LMNTD1: variants seen among roughly 807,000 people sequenced by gnomAD.
LMNTD1 encodes the protein lamin tail domain containing 1.
In LMNTD1, 35 loss-of-function variants were observed where a neutral mutation model predicts 50.9. That is an observed-to-expected ratio of 0.69 (90% CI 0.53 to 0.91). The LOEUF (loss-of-function observed/expected upper bound fraction) is 0.91. LMNTD1 is among the 40% of genes least tolerant of loss of function. The pLI is 0.00. For synonymous variants in LMNTD1, 153 were observed against 161.9 expected (o/e 0.94, Z 0.42); for missense variants, 470 against 475.5 (o/e 0.99, Z 0.11).
intron 1 of LMNTD1, among the ~76,000 whole-genome samples, chr12:25,639,625 G>T (rs1419962543): frequency 6.6e-6 from 1 of 152,034 alleles, no homozygotes; most frequent in Non-Finnish European, 1.5e-5. Flanking sequence ...CACTAGCCTG[G>T]GTATAATTTT....
chr12:25,484,839 AT>A (rs1371293129), intron 9 of LMNTD1, among the ~76,000 whole-genome samples: 4 of 143,056 alleles, frequency 2.8e-5, no homozygotes, highest in African/African-American at 1.0e-4. Flanking sequence ...TGAACTCATC[AT>A]TTTTTATGGC....
chr12:25,536,214 A>G (rs1942570702), intron 4 of LMNTD1, among the ~76,000 whole-genome samples: 1 of 152,224 alleles, frequency 6.6e-6, no homozygotes, highest in African/African-American at 2.4e-5. Flanking sequence ...AGACAACACT[A>G]TCAACCAACA....
intron 1 of LMNTD1, among the ~76,000 whole-genome samples, chr12:25,575,693 T>TTC (rs1289253419): frequency 6.6e-6 from 1 of 151,838 alleles, no homozygotes; most frequent in Admixed American, 6.6e-5. Context: ...TATTTTCTTT[T>TTC]TTTTTATAAT....
At position 25,549,080 on chromosome 12, in the gene LMNTD1, TAA is replaced by T. The variant is rs1244404906; in HGVS notation, c.310+244_310+245del. On this transcript the variant is annotated intron_variant, in intron 3 of 9. Transcript: ENST00000458174. ...GCGGTCAACTCATGAACCATCATGA[TAA>T]CTCAAGATACCTTAATTATAAGGAT... is the stretch of plus-strand genomic sequence containing the variant. 6.2e-3 allele frequency among the ~76,000 whole-genome samples: 949 copies of T among 152,124 alleles called. 2 individuals carry two copies. The highest frequency in any genetic ancestry group is 7.7e-3 in the South Asian group (37 of 4,820).
chr12:25,532,920 G>T (rs1208719959), intron 4 of LMNTD1, among the ~76,000 whole-genome samples: 1 of 152,088 alleles, frequency 6.6e-6, no homozygotes, highest in Non-Finnish European at 1.5e-5. Flanking sequence ...CTGGGAAGAT[G>T]AGCACTAATT....
intron 9 of LMNTD1, among the ~76,000 whole-genome samples, chr12:25,486,945 A>C (rs1228919248): frequency 6.6e-6 from 1 of 152,128 alleles, no homozygotes; most frequent in Non-Finnish European, 1.5e-5. Context: ...ATGTTCATCA[A>C]GGATATTGGT....
At chr12:25,486,345 C>T (rs1404450813) in intron 9 of LMNTD1, among the ~76,000 whole-genome samples, 4 of 151,982 alleles carry the variant, frequency 2.6e-5, no homozygotes, top group Admixed American at 1.3e-4. Context: ...GTGATTTTTG[C>T]ACATTGATTT....
At position 25,594,031 on chromosome 12, in the gene LMNTD1, T is replaced by G. The variant is rs911973620; in HGVS notation, c.59-47477A>C. On this transcript the variant is annotated intron_variant, in intron 1 of 7. Transcript: ENST00000445693. ...TCTAACAAAGACAAAGAAAAAAGAA[T>G]AAGAAAATATGAACAAAGCCTCCAA... is the stretch of plus-strand genomic sequence containing the variant. Among the ~76,000 whole-genome samples the G allele has an allele frequency of 2.0e-5, 3 of 151,972 alleles. No homozygotes were observed. In the South Asian group the frequency reaches 6.2e-4, roughly 32 times the overall value.
At chr12:25,513,186 C>T (rs1825732654) in intron 8 of LMNTD1, among the ~76,000 whole-genome samples, 1 of 152,212 alleles carries the variant, frequency 6.6e-6, no homozygotes, top group East Asian at 1.9e-4. Flanking sequence ...ACATCTTCCA[C>T]TAAGATGCAT....
intron 1 of LMNTD1, among the ~76,000 whole-genome samples, chr12:25,615,118 A>T (rs1285180445): frequency 2.6e-5 from 4 of 152,218 alleles, no homozygotes; most frequent in African/African-American, 9.6e-5. Flanking sequence ...ATAGTGGCCA[A>T]ACAAAATGAG....
At chr12:25,598,414 T>G (rs1945886734) in intron 1 of LMNTD1, among the ~76,000 whole-genome samples, 1 of 151,878 alleles carries the variant, frequency 6.6e-6, no homozygotes, top group Non-Finnish European at 1.5e-5. Flanking sequence ...AAGAAAAATT[T>G]CAAATAACTA....
chr12:25,519,400 C>A (rs1025678146), intron 7 of LMNTD1, among the ~76,000 whole-genome samples: 12 of 150,266 alleles, frequency 8.0e-5, no homozygotes, highest in African/African-American at 2.7e-4. Context: ...TCCTGGCTAA[C>A]ACGGTGAAAC....
chr12:25,537,954 A>C (rs1159875021), intron 4 of LMNTD1, among the ~76,000 whole-genome samples: 8 of 149,774 alleles, frequency 5.3e-5, no homozygotes, highest in Non-Finnish European at 1.2e-4. Context: ...GATGCGATCA[A>C]CTGGAAGAAA....
rs892813304 is a variant in LMNTD1, at chr12:25,540,781, A to C, written c.491+5593T>G. Among the ~76,000 whole-genome samples the C allele has an allele frequency of 5.3e-3, 715 of 135,362 alleles. 11 individuals carry two copies. The highest frequency in any genetic ancestry group is 0.018 in the African/African-American group (668 of 37,168). 88.8% of individuals were successfully genotyped at this position (135,362 alleles called of 152,430 possible). Reference sequence around the variant, plus strand: ...TATTCAATTAGGAAAAGAGGAAGTCAAACTGTCCCTGTTTGCAGATGACAT... The same window carrying C: ...TATTCAATTAGGAAAAGAGGAAGTCCAACTGTCCCTGTTTGCAGATGACAT... On this transcript the variant is annotated intron_variant, in intron 4 of 9. Coordinates refer to ENST00000458174, the MANE Select transcript of LMNTD1 (RefSeq NM_001145728.2).
Position 25,526,947 on chromosome 12 carries a change from C to A in LMNTD1, c.500G>T (p.Gly167Val). 6.3e-7 allele frequency: 1 copy of A among 1,599,294 alleles called. No homozygotes were observed. Residue 167 changes from glycine (G) to valine (V), a missense_variant, in exon 5 of 10, where the codon GGA becomes GTA. By Grantham distance (109) the Gly-to-Val change is moderately radical (BLOSUM62 -3). Coordinates refer to ENST00000458174, the MANE Select transcript of LMNTD1 (RefSeq NM_001145728.2). ...EVGQFTSSSL[G>V]DVEIAEVNVK... ...ATTCACTTCAGCTATTTCAACATCT[C>A]CAAGAGAACTAGAAAATAAAACACA... is the stretch of plus-strand genomic sequence containing the variant.
chr12:25,546,972 T>A (rs1943473785), intron 3 of LMNTD1, among the ~76,000 whole-genome samples: 1 of 151,698 alleles, frequency 6.6e-6, no homozygotes. Context: ...TACCCATAAG[T>A]TAAAGCCTCA....
rs890517599 is a variant in LMNTD1, at chr12:25,553,011, T to C, written c.-30-22A>G. On this transcript the variant is annotated intron_variant, in intron 1 of 9. Coordinates refer to ENST00000458174, the MANE Select transcript of LMNTD1 (RefSeq NM_001145728.2). Reference sequence around the variant, plus strand: ...TTTCCTAGGAAAGCAGATCATGACATCAGATGACGAATATGGCTGAGGTTC... The same window carrying C: ...TTTCCTAGGAAAGCAGATCATGACACCAGATGACGAATATGGCTGAGGTTC... The C allele has an allele frequency of 2.5e-6, 4 of 1,607,058 alleles. No homozygotes were observed. The African/African-American group carries it at 4.0e-5, about 16-fold the overall frequency.
Position 25,549,512 on chromosome 12 carries a change from G to A in LMNTD1, c.124C>T (p.His42Tyr), listed in dbSNP as rs1478831366. Residue 42 changes from histidine (H) to tyrosine (Y), a missense_variant, in exon 3 of 10, where the codon CAT (histidine) becomes TAT (tyrosine). Transcript: ENST00000458174. Reference sequence around the variant, plus strand: ...GAACCCAACATCTTTGGGGAAAAATGTACTAAAGAATATACTCCAAGTTTG... The same window carrying A: ...GAACCCAACATCTTTGGGGAAAAATATACTAAAGAATATACTCCAAGTTTG... ...EDKLGVYSLV[H>Y]FSPKMLGSVA... 2 of 1,611,768 alleles carry A rather than the reference G, an allele frequency of 1.2e-6. No individual in the cohort carries two copies. Among genetic ancestry groups the A allele is most frequent in the South Asian group, 2.2e-5 (2 of 90,912 alleles).
intron 1 of LMNTD1, among the ~76,000 whole-genome samples, chr12:25,622,676 C>T (rs138930925): frequency 1.9e-3 from 285 of 152,154 alleles, no homozygotes; most frequent in Non-Finnish European, 3.5e-3. Context: ...CTACAAAAGA[C>T]GTGACAGCAA....
Sources: allele counts gnomAD v4.1 joint callset (sites outside exome capture counted in the v4.1 genomes callset), GRCh38; gene constraint gnomAD v4.1.1; transcripts MANE v1.5; gene names NCBI Gene and HGNC (gene_info 2026-07-23, HGNC 2026-07-21).